Variants in FOXN3 observed in about 807,000 individuals in gnomAD.
FOXN3 encodes forkhead box N3, also known as forkhead box protein N3.
Under a neutral mutation model 38.4 loss-of-function variants are expected in FOXN3, and 7 were observed. The ratio of observed to expected loss-of-function variants is 0.18; its 90% CI spans 0.10 to 0.34. The LOEUF is 0.34. Among genes scored for constraint, FOXN3 ranks in the 10% least tolerant of loss-of-function variants. FOXN3 has a pLI of 1.00. For missense variants in FOXN3, 456 were observed against 613.4 expected (o/e 0.74, Z 2.71); for synonymous variants, 230 against 242.2 (o/e 0.95, Z 0.47).
At chr14:89,421,677 C>T (rs181260790), upstream of FOXN3, among the ~76,000 whole-genome samples, 1 of 151,320 alleles carries the variant, frequency 6.6e-6, no homozygotes, top group Non-Finnish European at 1.5e-5. Context: ...CAGGCATGCA[C>T]CACCACGCAC....
intron 1 of FOXN3, among the ~76,000 whole-genome samples, chr14:89,444,280 TG>T (rs1892449653): frequency 6.7e-6 from 1 of 149,376 alleles, no homozygotes; most frequent in Non-Finnish European, 1.5e-5. Flanking sequence ...ATTCTTTTGA[TG>T]GGCGGGGGCG....
chr14:89,479,396 C>T (rs971810120), intron 1 of FOXN3, among the ~76,000 whole-genome samples: 1 of 152,206 alleles, frequency 6.6e-6, no homozygotes, highest in African/African-American at 2.4e-5. Flanking sequence ...CTGGATTAGA[C>T]AAACCCATTT....
rs190155560 is a variant in FOXN3 at position 89,553,924 on chromosome 14, C to T, written c.-15+65104G>A. On this transcript the variant is annotated intron_variant, in intron 1 of 6. Coordinates refer to the FOXN3 transcript ENST00000345097. The stretch of plus-strand genomic sequence containing the variant: ...TTACCCTAACAAACAAGAAGGCATA[C>T]GAAAGTCAAGCAAGACAGAGGGTAG... 3.3e-5 allele frequency among the ~76,000 whole-genome samples: 5 copies of T among 152,114 alleles called. No homozygotes were observed. The East Asian group carries it at 7.7e-4, about 23-fold the overall frequency.
intron 2 of FOXN3, among the ~76,000 whole-genome samples, chr14:89,406,549 A>G (rs1402558392): frequency 6.6e-6 from 1 of 152,228 alleles, no homozygotes; most frequent in Admixed American, 6.5e-5. Context: ...AGCTTAACTC[A>G]TCATCTATTT....
intron 4 of FOXN3, among the ~76,000 whole-genome samples, chr14:89,187,528 T>G (rs1184715057): frequency 6.6e-6 from 1 of 152,234 alleles, no homozygotes; most frequent in African/African-American, 2.4e-5. Context: ...GAATAGCCTC[T>G]CACTTTTTCC....
At chr14:89,359,103 C>T (rs1175728390) in intron 2 of FOXN3, among the ~76,000 whole-genome samples, 1 of 152,020 alleles carries the variant, frequency 6.6e-6, no homozygotes. Flanking sequence ...TGAGACCAGC[C>T]TAGTCAACAT....
At chr14:89,322,151 G>A (rs1384049905) in intron 3 of FOXN3, among the ~76,000 whole-genome samples, 2 of 152,164 alleles carry the variant, frequency 1.3e-5, no homozygotes, top group Non-Finnish European at 2.9e-5. Flanking sequence ...GCCAGGGTTC[G>A]GGACCCCATA....
intron 4 of FOXN3, among the ~76,000 whole-genome samples, chr14:89,202,667 G>A (rs767489512): frequency 1.3e-5 from 2 of 152,132 alleles, no homozygotes; most frequent in Non-Finnish European, 2.9e-5. Context: ...GTTCCCGTGA[G>A]AGCTGGTTGT....
intron 4 of FOXN3, among the ~76,000 whole-genome samples, chr14:89,226,626 C>A (rs1162109374): frequency 6.6e-6 from 1 of 152,110 alleles, no homozygotes; most frequent in Admixed American, 6.5e-5. Context: ...TATTGGTTGA[C>A]CTGTGCCTCC....
intron 1 of FOXN3, among the ~76,000 whole-genome samples, chr14:89,614,783 A>G (rs937300097): frequency 6.6e-6 from 1 of 152,224 alleles, no homozygotes; most frequent in Admixed American, 6.5e-5. Context: ...ATAAGATTCT[A>G]TTTGTTGCTA....
chr14:89,228,807 G>C (rs376167994), intron 4 of FOXN3, among the ~76,000 whole-genome samples: 1 of 152,176 alleles, frequency 6.6e-6, no homozygotes, highest in African/African-American at 2.4e-5. Flanking sequence ...CCTTTGGAGT[G>C]ATATATTAGA....
intron 1 of FOXN3, among the ~76,000 whole-genome samples, chr14:89,567,656 AC>A (rs1895389773): frequency 6.6e-6 from 1 of 151,382 alleles, no homozygotes; most frequent in Admixed American, 6.6e-5. Flanking sequence ...AGTGGCAAGG[AC>A]AAGGAAGGTT....
At chr14:89,230,646 G>A (rs1320927905) in intron 4 of FOXN3, 3 of 235,660 alleles carry the variant, frequency 1.3e-5, no homozygotes, top group Non-Finnish European at 1.8e-5. Flanking sequence ...TCTATCTCAC[G>A]CAGAGTTCCA....
intron 1 of FOXN3, among the ~76,000 whole-genome samples, chr14:89,564,667 G>C (rs560107709): frequency 6.6e-6 from 1 of 152,158 alleles, no homozygotes; most frequent in East Asian, 1.9e-4. Context: ...CCCCTAAAAA[G>C]ATCTGTTGGA....
rs369913424 is a variant in FOXN3, at chr14:89,506,282, G to A, written c.-14-93792C>T. On this transcript the variant is annotated intron_variant, in intron 1 of 6. Transcript: ENST00000345097. ...CCCCGTCCGGGAGGGAGGTGGGGGG[G>A]TCAGCCCCCCGCCCGGCCAGCCGCC... Among the ~76,000 whole-genome samples, 3 of 42,042 alleles carry A rather than the reference G, an allele frequency of 7.1e-5. 1 individual carries two copies. The highest frequency in any genetic ancestry group is 1.4e-4 in the African/African-American group (3 of 22,126). The allele number at this position is 42,042 out of a possible 152,430, so 27.6% of individuals were successfully genotyped here. A position where few individuals can be genotyped will look rare whatever the true frequency, so the allele number is the denominator to read the frequency against.
At chr14:89,556,556 G>A (rs929576849) in intron 1 of FOXN3, among the ~76,000 whole-genome samples, 1 of 152,088 alleles carries the variant, frequency 6.6e-6, no homozygotes, top group Non-Finnish European at 1.5e-5. Context: ...TCTTGGACAG[G>A]CCTTCTAATA....
chr14:89,380,033 G>A (rs1207189921), intron 2 of FOXN3, among the ~76,000 whole-genome samples: 1 of 152,142 alleles, frequency 6.6e-6, no homozygotes, highest in East Asian at 1.9e-4. Context: ...GATGACTAAG[G>A]TCTGTTCCTT....
At chr14:89,297,333 C>T (rs147693277) in intron 3 of FOXN3, among the ~76,000 whole-genome samples, 163 of 152,038 alleles carry the variant, frequency 1.1e-3, no homozygotes, top group African/African-American at 3.6e-3. Flanking sequence ...GAAGCCGAGG[C>T]GGGCGGATCA....
At chr14:89,344,780 G>A (rs1888715831) in intron 3 of FOXN3, among the ~76,000 whole-genome samples, 1 of 152,148 alleles carries the variant, frequency 6.6e-6, no homozygotes, top group South Asian at 2.1e-4. Context: ...AAAAGTTGGT[G>A]GGAATGTGGA....
Sources: allele counts gnomAD v4.1 joint callset (sites outside exome capture counted in the v4.1 genomes callset), GRCh38; gene constraint gnomAD v4.1.1; transcripts MANE v1.5; gene names NCBI Gene and HGNC (gene_info 2026-07-23, HGNC 2026-07-21).